PLCE1: variants seen among roughly 807,000 people sequenced by gnomAD.
PLCE1 encodes the protein 1-phosphatidylinositol 4,5-bisphosphate phosphodiesterase epsilon-1.
A neutral mutation model predicts 242.8 loss-of-function variants in PLCE1; 119 were observed. That is an observed-to-expected ratio of 0.49 (90% CI 0.42 to 0.57). PLCE1 has a LOEUF of 0.57. Among genes scored for constraint, PLCE1 ranks in the 20% least tolerant of loss-of-function variants. The probability of loss-of-function intolerance (pLI) is 0.00; values close to 1 mark genes in which losing one functional copy is unlikely to be tolerated. For synonymous variants in PLCE1, 945 were observed against 1,017.4 expected (o/e 0.93, Z 1.35); for missense variants, 2,441 against 2,788.8 (o/e 0.88, Z 2.81).
chr10:94,250,909 G>A (rs2050851542), intron 8 of PLCE1, among the ~76,000 whole-genome samples: 1 of 152,134 alleles, frequency 6.6e-6, no homozygotes, highest in Admixed American at 6.5e-5. Flanking sequence ...ATTCCAATTT[G>A]AAGTCACTCC....
intron 2 of PLCE1, chr10:94,107,745 C>T (rs573559280): frequency 6.6e-6 from 1 of 152,182 alleles, no homozygotes; most frequent in African/African-American, 2.4e-5. Flanking sequence ...ATGTACAGCC[C>T]TGTAGTCCAT....
chr10:94,259,185 C>A, intron 13 of PLCE1, 35 bp downstream of exon 13: 1 of 1,609,962 alleles, frequency 6.2e-7, no homozygotes, highest in Non-Finnish European at 8.5e-7. Context: ...CCTTTGGGAT[C>A]AATCTGTCTA....
chr10:94,209,809 A>G (rs1001012459), intron 4 of PLCE1, among the ~76,000 whole-genome samples: 4 of 152,216 alleles, frequency 2.6e-5, no homozygotes, highest in Non-Finnish European at 5.9e-5. Context: ...CTATATGCCT[A>G]TTAATATTAG....
chr10:94,257,121 G>T (rs143156391), intron 11 of PLCE1, among the ~76,000 whole-genome samples: 4 of 152,260 alleles, frequency 2.6e-5, no homozygotes, highest in African/African-American at 9.6e-5. Context: ...CTATCAATTT[G>T]TAGTGCTCTT....
At chr10:94,105,060 G>GC (rs1288758194) in intron 2 of PLCE1, 1 of 152,176 alleles carries the variant, frequency 6.6e-6, no homozygotes, top group African/African-American at 2.4e-5. Context: ...GAGGAAGGAA[G>GC]CCCCATTCAT....
intron 4 of PLCE1, among the ~76,000 whole-genome samples, chr10:94,204,109 T>C (rs1002337705): frequency 7.9e-5 from 12 of 151,894 alleles, no homozygotes; most frequent in Non-Finnish European, 1.6e-4. Context: ...AATGGTAGAA[T>C]AAAAAAACTA....
At chr10:94,214,009 G>A (rs2049431518) in intron 4 of PLCE1, among the ~76,000 whole-genome samples, 1 of 152,166 alleles carries the variant, frequency 6.6e-6, no homozygotes, top group African/African-American at 2.4e-5. Context: ...AAGAGTCTCA[G>A]GGTAGGTAGG....
At chr10:94,310,237 C>T (rs1334927573) in intron 27 of PLCE1, among the ~76,000 whole-genome samples, 1 of 152,206 alleles carries the variant, frequency 6.6e-6, no homozygotes, top group Admixed American at 6.5e-5. Flanking sequence ...GCCATGATGG[C>T]TTCCACTGCC....
intron 2 of PLCE1, among the ~76,000 whole-genome samples, chr10:94,095,167 C>T (rs1299041312): frequency 6.6e-6 from 1 of 152,142 alleles, no homozygotes; most frequent in East Asian, 1.9e-4. Flanking sequence ...CAGCAAAGAC[C>T]CGTTGGCCAC....
chr10:94,065,492 G>A (rs533759491), intron 2 of PLCE1, among the ~76,000 whole-genome samples: 35 of 152,078 alleles, frequency 2.3e-4, no homozygotes, highest in Non-Finnish European at 4.3e-4. Flanking sequence ...GACATGACCC[G>A]TGGATTATCA....
chr10:94,135,119 A>G (rs1466621100), intron 3 of PLCE1, among the ~76,000 whole-genome samples: 1 of 152,256 alleles, frequency 6.6e-6, no homozygotes, highest in African/African-American at 2.4e-5. Context: ...TTAGAAAACC[A>G]GATGGGTTTC....
chr10:94,093,781 C>T (rs2045173887), intron 2 of PLCE1, among the ~76,000 whole-genome samples: 1 of 151,996 alleles, frequency 6.6e-6, no homozygotes, highest in Admixed American at 6.6e-5. Context: ...CACTCTGTGT[C>T]GCAGAGTAGA....
At chr10:94,137,807 G>T in intron 3 of PLCE1, 1 of 222,378 alleles carries the variant, frequency 4.5e-6, no homozygotes. Context: ...TGAGAATGTT[G>T]GACAAAGCCA....
intron 32 of PLCE1, among the ~76,000 whole-genome samples, chr10:94,325,962 T>C (rs2054001289): frequency 6.6e-6 from 1 of 152,214 alleles, no homozygotes; most frequent in Non-Finnish European, 1.5e-5. Context: ...ACAGCCTCAA[T>C]CTTGGAAATG....
chr10:94,190,760 A>G (rs2136598789), intron 4 of PLCE1, among the ~76,000 whole-genome samples: 1 of 152,360 alleles, frequency 6.6e-6, no homozygotes, highest in East Asian at 1.9e-4. Flanking sequence ...AGTTTGGTAC[A>G]TGTTGGTTCT....
rs1185378074 is a variant in PLCE1, at chr10:94,298,451, C to G, written c.5240C>G (p.Ala1747Gly). ...CTCAACCCAACCACGTCCCTCAGTGCTATCATTAGAACTCCCAAATGTTAT... is the reference window on the plus strand; with the variant it reads ...CTCAACCCAACCACGTCCCTCAGTGGTATCATTAGAACTCCCAAATGTTAT... ...SPLNPTTSLS[A>G]IIRTPKCYHI... Residue 1747 changes from alanine to glycine, a missense_variant, in exon 24 of 33, where the codon GCT becomes GGT. By Grantham distance (60) the Ala-to-Gly change is moderately conservative. Coordinates refer to ENST00000371380, the MANE Select transcript of PLCE1 (RefSeq NM_016341.4). This position sits in a 1 kb window ranked among gnomAD's most constrained non-coding sequence, Gnocchi z 5.2. 4 of 1,613,836 alleles carry G rather than the reference C, an allele frequency of 2.5e-6. No individual in the cohort carries two copies. The highest frequency in any genetic ancestry group is 3.4e-6 in the Non-Finnish European group (4 of 1,179,814).
intron 4 of PLCE1, among the ~76,000 whole-genome samples, chr10:94,201,613 C>A (rs2689703): frequency 6.6e-6 from 1 of 152,134 alleles, no homozygotes; most frequent in Non-Finnish European, 1.5e-5. Flanking sequence ...GTAGCTGGGA[C>A]CACAGGCGCC....
chr10:94,283,998 TC>T (rs1294252731), intron 21 of PLCE1, 87 bp downstream of exon 21: 1 of 1,483,470 alleles, frequency 6.7e-7, no homozygotes, highest in Non-Finnish European at 9.3e-7. Context: ...TCCCTGTCCC[TC>T]CCTTTCACCT....
chr10:93,997,566 G>A (rs539276379), intron 1 of PLCE1, among the ~76,000 whole-genome samples: 61 of 147,444 alleles, frequency 4.1e-4, no homozygotes, highest in African/African-American at 1.5e-3. Context: ...TCCAGAGTCT[G>A]TTCTCTTGAT....
Sources: gnomAD v4.1 joint callset for allele counts (sites outside exome capture counted in the v4.1 genomes callset) on GRCh38, gnomAD v4.1.1 for gene constraint, Gnocchi (gnomAD v3.1) non-coding constraint, MANE v1.5 for transcripts, NCBI Gene and HGNC (gene_info 2026-07-23, HGNC 2026-07-21) for gene names.